FAM169A: variants seen among roughly 807,000 people sequenced by gnomAD.
The protein encoded by FAM169A is family with sequence similarity 169 member A, also known as soluble lamin-associated protein of 75 kDa.
A neutral mutation model predicts 75.7 loss-of-function variants in FAM169A; 24 were observed. The observed-to-expected ratio is 0.32, with a 90% CI of 0.23 to 0.45. FAM169A has a LOEUF of 0.45. Ranked by LOEUF, FAM169A falls within the 20% of genes least tolerant of loss-of-function variation. The probability of loss-of-function intolerance (pLI) is 1.00; values close to 1 mark genes in which losing one functional copy is unlikely to be tolerated. For synonymous variants in FAM169A, 271 were observed against 271.0 expected (o/e 1.00, Z 0.00); for missense variants, 673 against 784.0 (o/e 0.86, Z 1.69).
intron 1 of FAM169A, chr5:74,865,521 A>AC (rs1368736388): frequency 1.3e-5 from 2 of 152,184 alleles, no homozygotes; most frequent in African/African-American, 4.8e-5. Context: ...GCCATAAACC[A>AC]CCCAGGGTTC....
At chr5:74,830,856 A>G (rs186427331) in intron 5 of FAM169A, among the ~76,000 whole-genome samples, 5 of 152,310 alleles carry the variant, frequency 3.3e-5, no homozygotes, top group South Asian at 4.1e-4. Context: ...TTGCATTTTC[A>G]TAATTTCGCC....
At chr5:74,840,526 TAAAA>T (rs35670470) in intron 2 of FAM169A, among the ~76,000 whole-genome samples, 1 of 122,546 alleles carries the variant, frequency 8.2e-6, no homozygotes, top group Non-Finnish European at 1.8e-5. Context: ...ATTATCTAGT[TAAAA>T]AAAAAAAAAA....
chr5:74,792,991 C>A (rs1417115210), intron 11 of FAM169A, among the ~76,000 whole-genome samples: 1 of 152,154 alleles, frequency 6.6e-6, no homozygotes, highest in Non-Finnish European at 1.5e-5. Context: ...AAATATGGAA[C>A]CAAGCTAAAT....
chr5:74,800,017 AAT>A, intron 10 of FAM169A: 1 of 775,778 alleles, frequency 1.3e-6, no homozygotes, highest in Non-Finnish European at 2.3e-6. Flanking sequence ...GATTGTCGCA[AAT>A]ATTGCACTAC....
chr5:74,799,386 G>C, intron 10 of FAM169A: 2 of 1,612,958 alleles, frequency 1.2e-6, no homozygotes, highest in East Asian at 4.5e-5. Flanking sequence ...AAAATGACTG[G>C]TGGGTGAGCA....
chr5:74,820,121 A>G (rs550559238), intron 5 of FAM169A, among the ~76,000 whole-genome samples: 1 of 149,472 alleles, frequency 6.7e-6, no homozygotes, highest in Non-Finnish European at 1.5e-5. Flanking sequence ...CAGCCTCCCT[A>G]GTAGCTGGGA....
chr5:74,814,459 T>C (rs1315902407), intron 5 of FAM169A, among the ~76,000 whole-genome samples: 1 of 152,160 alleles, frequency 6.6e-6, no homozygotes, highest in Non-Finnish European at 1.5e-5. Flanking sequence ...ATCTGTATTT[T>C]TTTAAACATT....
At chr5:74,846,305 T>C (rs184625035) in intron 1 of FAM169A, among the ~76,000 whole-genome samples, 8 of 152,294 alleles carry the variant, frequency 5.3e-5, no homozygotes, top group Admixed American at 2.0e-4. Flanking sequence ...AATTGTAATC[T>C]AAAGAATGAA....
Position 74,789,363 on chromosome 5 carries a change from T to C in FAM169A, c.1261-6229A>G, listed in dbSNP as rs572665473. On this transcript the variant is annotated intron_variant, in intron 11 of 12. Transcript: ENST00000687041. ...AGTGGTGTGGGGCCTGTTGAGATAT[T>C]CCTTCTAAGGTAAAGGATAGGATGC... 5.9e-5 allele frequency among the ~76,000 whole-genome samples: 9 copies of C among 152,304 alleles called. No homozygotes were observed. The South Asian group carries it at 1.0e-3, about 18-fold the overall frequency.
At chr5:74,852,308 T>TG (rs1749485813) in intron 1 of FAM169A, among the ~76,000 whole-genome samples, 1 of 152,168 alleles carries the variant, frequency 6.6e-6, no homozygotes. Context: ...ACTCTGCACT[T>TG]GGAGCTATGG....
At chr5:74,799,293 T>C in intron 10 of FAM169A, 1 of 1,573,650 alleles carries the variant, frequency 6.4e-7, no homozygotes, top group African/African-American at 1.3e-5. Flanking sequence ...GCACAGCTAC[T>C]TTTGTGAAGT....
chr5:74,848,311 G>A (rs1226472631), intron 1 of FAM169A, among the ~76,000 whole-genome samples: 1 of 152,058 alleles, frequency 6.6e-6, no homozygotes, highest in Non-Finnish European at 1.5e-5. Flanking sequence ...ACTCCTATCT[G>A]CCCCATTTGA....
At chr5:74,805,597 C>T (rs969238658) in intron 6 of FAM169A, among the ~76,000 whole-genome samples, 3 of 131,856 alleles carry the variant, frequency 2.3e-5, no homozygotes, top group East Asian at 5.0e-4. Flanking sequence ...GTGGCGCGAT[C>T]TCGGCTCACT....
At chr5:74,850,369 C>A (rs2112709361) in intron 1 of FAM169A, among the ~76,000 whole-genome samples, 1 of 152,250 alleles carries the variant, frequency 6.6e-6, no homozygotes, top group Non-Finnish European at 1.5e-5. Context: ...GGGAAGTGTT[C>A]CAAGTATTCT....
At chr5:74,828,993 C>A (rs1748176165) in intron 5 of FAM169A, among the ~76,000 whole-genome samples, 1 of 152,188 alleles carries the variant, frequency 6.6e-6, no homozygotes, top group Non-Finnish European at 1.5e-5. Flanking sequence ...TGCAAGAGTA[C>A]ATGTATGACT....
At chr5:74,806,701 T>A (rs1435669124) in intron 6 of FAM169A, among the ~76,000 whole-genome samples, 1 of 152,220 alleles carries the variant, frequency 6.6e-6, no homozygotes, top group African/African-American at 2.4e-5. Flanking sequence ...TGTATTGAAC[T>A]GCACCATTCT....
chr5:74,786,566 C>T (rs1186861348), intron 11 of FAM169A, among the ~76,000 whole-genome samples: 1 of 152,150 alleles, frequency 6.6e-6, no homozygotes, highest in Non-Finnish European at 1.5e-5. Flanking sequence ...AAACATAATA[C>T]CTTTGACCAT....
intron 7 of FAM169A, 67 bp downstream of exon 7, chr5:74,805,089 G>T: frequency 7.1e-7 from 1 of 1,402,846 alleles, no homozygotes; most frequent in Non-Finnish European, 1.0e-6. Context: ...TGGACTTATG[G>T]GCCAGCAAGG....
intron 5 of FAM169A, among the ~76,000 whole-genome samples, chr5:74,826,808 T>C (rs557931159): frequency 7.9e-5 from 12 of 152,344 alleles, no homozygotes; most frequent in Non-Finnish European, 1.6e-4. Context: ...ACAGACTTTA[T>C]TCAAATTTCA....
Sources: allele counts gnomAD v4.1 joint callset (sites outside exome capture counted in the v4.1 genomes callset), GRCh38; gene constraint gnomAD v4.1.1; transcripts MANE v1.5; gene names NCBI Gene and HGNC (gene_info 2026-07-23, HGNC 2026-07-21).